NCKAP5L: variants seen among roughly 807,000 people sequenced by gnomAD.
NCKAP5L encodes nck-associated protein 5-like.
NCKAP5L carries 54 observed loss-of-function variants against 103.2 expected under a neutral mutation model. The ratio of observed to expected loss-of-function variants is 0.52; its 90% confidence interval spans 0.42 to 0.66. The LOEUF is 0.66. Among genes scored for constraint, NCKAP5L ranks in the 30% least tolerant of loss-of-function variants. The probability of loss-of-function intolerance (pLI) is 0.00; values close to 1 mark genes in which losing one functional copy is unlikely to be tolerated. For synonymous variants in NCKAP5L, 762 were observed against 748.6 expected (o/e 1.02, Z -0.29); for missense variants, 1,733 against 1,750.6 (o/e 0.99, Z 0.18).
chr12:49,797,411 T>A lies in NCKAP5L; in HGVS notation c.466-17A>T. The A allele has an allele frequency of 6.4e-7, 1 of 1,564,898 alleles. No individual in the cohort carries two copies. The highest frequency in any genetic ancestry group is 1.2e-5 in the South Asian group (1 of 86,750). On this transcript the variant is annotated splice_polypyrimidine_tract_variant and intron_variant, in intron 7 of 12. Coordinates refer to ENST00000335999, the MANE Select transcript of NCKAP5L (RefSeq NM_001037806.4). This position sits in a 1 kb window ranked among gnomAD's most constrained non-coding sequence, Gnocchi z 4.5. ...CCAACATACCTTAGGGGAGAGATGA[T>A]GGCATGAGGAGGAGACCACACACAG...
In NCKAP5L at chr12:49,795,638, G is replaced by C; in HGVS notation, c.2222C>G (p.Pro741Arg). 6.2e-7 allele frequency: 1 copy of C among 1,610,742 alleles called. No homozygotes were observed. Among genetic ancestry groups the C allele is most frequent in the Non-Finnish European group, 8.5e-7 (1 of 1,178,436 alleles). The change falls in exon 8 of 13, where the codon CCT becomes CGT. Residue 741 changes from proline (P) to arginine (R), a missense_variant. Transcript: ENST00000335999. ...GGCCCCGGGATCCCCCATAAGTCCA[G>C]GTTCCTGCTGCTTCAGGCTGTTTGT... ...LGTNSLKQQE[P>R]GLMGDPGARV...
At chr12:49,821,215 G>A (rs1471577789) in intron 1 of NCKAP5L, among the ~76,000 whole-genome samples, 1 of 152,194 alleles carries the variant, frequency 6.6e-6, no homozygotes, top group African/African-American at 2.4e-5. Flanking sequence ...GACAGGAAGT[G>A]AGGTGCTGTC....
chr12:49,815,528 C>A (rs562239976), intron 1 of NCKAP5L, among the ~76,000 whole-genome samples: 19 of 152,266 alleles, frequency 1.2e-4, no homozygotes, highest in African/African-American at 4.3e-4. Context: ...GCTTCCTTTT[C>A]TTTTTAAGAC....
At chr12:49,813,881 AC>A (rs762845410) in intron 1 of NCKAP5L, among the ~76,000 whole-genome samples, 2 of 152,012 alleles carry the variant, frequency 1.3e-5, no homozygotes, top group Non-Finnish European at 1.5e-5. Flanking sequence ...GCCGGAGTGC[AC>A]TGCCACAGTC....
chr12:49,793,552 G>C, intron 9 of NCKAP5L, 119 bp from the exon 10 acceptor site: 5 of 1,263,322 alleles, frequency 4.0e-6, no homozygotes, highest in Non-Finnish European at 5.5e-6. Flanking sequence ...TAGGGCCCAG[G>C]AGTATGGATC....
intron 6 of NCKAP5L, among the ~76,000 whole-genome samples, chr12:49,799,544 T>C (rs574139067): frequency 6.6e-6 from 1 of 152,252 alleles, no homozygotes; most frequent in South Asian, 2.1e-4. Context: ...CTTGAACTCC[T>C]GGGCCCAAGT....
Position 49,795,686 on chromosome 12 carries a change from A to G in NCKAP5L, c.2174T>C (p.Ile725Thr). ...PLEQLEAKGG[I>T]RGAVALGTNS... ...TGTGCCCAAGGCCACTGCCCCCCGTATCCCCCCCTTGGCTTCTAGCTGCTC... is the reference window on the plus strand; with the variant it reads ...TGTGCCCAAGGCCACTGCCCCCCGTGTCCCCCCCTTGGCTTCTAGCTGCTC... Residue 725 changes from isoleucine to threonine, a missense_variant, in exon 8 of 13, where the codon ATA becomes ACA. Ile to Thr is a moderately conservative substitution (Grantham distance 89). Transcript: ENST00000335999. 2 of 1,611,934 alleles carry G rather than the reference A, an allele frequency of 1.2e-6. No individual in the cohort carries two copies. The highest frequency in any genetic ancestry group is 1.7e-6 in the Non-Finnish European group (2 of 1,179,212).
chr12:49,826,570 C>A lies in NCKAP5L; in HGVS notation c.-99+1752G>T, dbSNP rs560230145. The stretch of plus-strand genomic sequence containing the variant: ...TAAATGGAACCATTCTGCCAGAGGA[C>A]CTTTCTCCCCTATAGATTCACCCAT... On this transcript the variant is annotated intron_variant, in intron 1 of 12. Transcript: ENST00000335999. Among the ~76,000 whole-genome samples, 31 of 152,308 alleles carry A rather than the reference C, an allele frequency of 2.0e-4. No homozygotes were observed. The East Asian group carries it at 5.4e-3, about 27-fold the overall frequency.
Position 49,797,687 on chromosome 12 carries a change from C to G in NCKAP5L, c.466-293G>C, listed in dbSNP as rs1247278581. Reference sequence around the variant, plus strand: ...TACTCCCCACAGCCATTTGGATTAGCAGGGCTGACCACCTAAAACTCTGAC... The same window carrying G: ...TACTCCCCACAGCCATTTGGATTAGGAGGGCTGACCACCTAAAACTCTGAC... On this transcript the variant is annotated intron_variant, in intron 7 of 12. Transcript: ENST00000335999. This position sits in a 1 kb window ranked among gnomAD's most constrained non-coding sequence, Gnocchi z 4.5. 6.6e-6 allele frequency among the ~76,000 whole-genome samples: 1 copy of G among 152,198 alleles called. No individual in the cohort carries two copies. The highest frequency in any genetic ancestry group is 1.5e-5 in the Non-Finnish European group (1 of 68,038).
chr12:49,819,032 A>G (rs1342422588), intron 1 of NCKAP5L, among the ~76,000 whole-genome samples: 10 of 106,226 alleles, frequency 9.4e-5, no homozygotes, highest in Admixed American at 1.7e-4. Flanking sequence ...CCTTGTATTT[A>G]AAAAAAAAAA....
Position 49,793,707 on chromosome 12 carries a change from CACCCAGTCCCT to C in NCKAP5L, c.3258+16_3258+26del, listed in dbSNP as rs763849842. On this transcript the variant is annotated intron_variant, in intron 9 of 12. Coordinates refer to ENST00000335999, the MANE Select transcript of NCKAP5L (RefSeq NM_001037806.4). The stretch of plus-strand genomic sequence containing the variant: ...GGCAGGGCCAGAGAGCCAGGCCGTC[CACCCAGTCCCT>C]ACCCCAAGAACTTACCTTTCCAGGA... 3.9e-6 allele frequency: 6 copies of C among 1,520,350 alleles called. No individual in the cohort carries two copies. In the South Asian group the frequency reaches 7.9e-5, roughly 20 times the overall value. The allele number at this position is 1,520,350 out of a possible 1,614,324, so 94.2% of individuals were successfully genotyped here.
rs531363333 is a variant in NCKAP5L, at chr12:49,814,259, C to T, written c.-98-8218G>A. Among the ~76,000 whole-genome samples, 6 of 149,874 alleles carry T rather than the reference C, an allele frequency of 4.0e-5. No individual in the cohort carries two copies. In the South Asian group the frequency reaches 1.3e-3, roughly 31 times the overall value. On this transcript the variant is annotated intron_variant, in intron 1 of 12. Coordinates refer to ENST00000335999, the MANE Select transcript of NCKAP5L (RefSeq NM_001037806.4). Reference sequence around the variant, plus strand: ...CAGCGCTTTGGGAGGCCGAAGTGGGCGGATCACGAGGTCAGAAGTTCGAGA... The same window carrying T: ...CAGCGCTTTGGGAGGCCGAAGTGGGTGGATCACGAGGTCAGAAGTTCGAGA...
Position 49,792,061 on chromosome 12 carries a change from G to T in NCKAP5L, c.3793-10C>A, listed in dbSNP as rs1476239471. On this transcript the variant is annotated splice_polypyrimidine_tract_variant and intron_variant, in intron 12 of 12. Coordinates refer to ENST00000335999, the MANE Select transcript of NCKAP5L (RefSeq NM_001037806.4). This position sits in a 1 kb window ranked among gnomAD's most constrained non-coding sequence, Gnocchi z 4.5. ...GGTCCACGGGCAGGGCCTGGGAAAG[G>T]AGGGGCAGCTCGGGAGGAAGCTCCT... The T allele has an allele frequency of 6.6e-7, 1 of 1,525,140 alleles. No homozygotes were observed. The highest frequency in any genetic ancestry group is 2.1e-5 in the Admixed American group (1 of 48,318). The allele number at this position is 1,525,140 out of a possible 1,614,324, so 94.5% of individuals were successfully genotyped here.
intron 5 of NCKAP5L, 112 bp from the exon 6 acceptor site, chr12:49,802,079 G>T: frequency 7.6e-7 from 1 of 1,318,374 alleles, no homozygotes. Flanking sequence ...GACCCTTCTG[G>T]GCACACACTT....
intron 1 of NCKAP5L, among the ~76,000 whole-genome samples, chr12:49,808,982 G>A (rs973581517): frequency 6.6e-6 from 1 of 152,162 alleles, no homozygotes; most frequent in African/African-American, 2.4e-5. Context: ...AGTGCAGGGG[G>A]AGGGAGAGAA....
rs1181601108 is a variant in NCKAP5L, at chr12:49,792,820, G to A, written c.3507C>T (p.Val1169=). The A allele has an allele frequency of 6.3e-7, 1 of 1,581,586 alleles. No homozygotes were observed. Among genetic ancestry groups the A allele is most frequent in the Non-Finnish European group, 8.6e-7 (1 of 1,165,862 alleles). Residue 1169 remains valine (V), a synonymous_variant, in exon 11 of 13, where the codon GTC becomes GTT. Coordinates refer to ENST00000335999, the MANE Select transcript of NCKAP5L (RefSeq NM_001037806.4). This position sits in a 1 kb window ranked among gnomAD's most constrained non-coding sequence, Gnocchi z 4.5. The part of the protein sequence containing the change: ...PPARPPPLTK[V]PRRAHTLERE... ...GCTCCAGTGTGTGGGCGCGGCGGGG[G>A]ACTTTGGTAAGGGGTGGGGGCCGAG...
At position 49,795,995 on chromosome 12, in the gene NCKAP5L, C is replaced by T. The variant is rs1592748266; in HGVS notation, c.1865G>A (p.Ser622Asn). 1 of 1,539,386 alleles carries T rather than the reference C, an allele frequency of 6.5e-7. No homozygotes were observed. Among genetic ancestry groups the T allele is most frequent in the Non-Finnish European group, 8.7e-7 (1 of 1,149,498 alleles). Residue 622 changes from serine (S) to asparagine (N), a missense_variant, in exon 8 of 13, where the codon AGT becomes AAT. Physicochemically the swap from Ser to Asn is conservative, Grantham distance 46. Coordinates refer to ENST00000335999, the MANE Select transcript of NCKAP5L (RefSeq NM_001037806.4). Reference protein sequence around the residue: ...SYPYGSPQEKSLDKAGSESPH... With the variant: ...SYPYGSPQEKNLDKAGSESPH... ...AGACTCCGAGCCTGCCTTGTCCAAA[C>T]TCTTCTCTTGGGGGCTCCCATAGGG... is the stretch of plus-strand genomic sequence containing the variant.
intron 1 of NCKAP5L, among the ~76,000 whole-genome samples, chr12:49,811,096 T>C (rs370982405): frequency 1.3e-5 from 2 of 152,234 alleles, no homozygotes; most frequent in South Asian, 4.1e-4. Flanking sequence ...GATAGCCACA[T>C]GCGAGCTCAA....
In NCKAP5L at chr12:49,797,402, G is replaced by T. The variant is rs1946070445; in HGVS notation, c.466-8C>A. The T allele has an allele frequency of 1.3e-6, 2 of 1,585,322 alleles. No homozygotes were observed. Among genetic ancestry groups the T allele is most frequent in the Non-Finnish European group, 1.7e-6 (2 of 1,163,940 alleles). On this transcript the variant is annotated splice_polypyrimidine_tract_variant and splice_region_variant and intron_variant, in intron 7 of 12. Coordinates refer to ENST00000335999, the MANE Select transcript of NCKAP5L (RefSeq NM_001037806.4). This position sits in a 1 kb window ranked among gnomAD's most constrained non-coding sequence, Gnocchi z 4.5. ...CTGCTGCTCCCAACATACCTTAGGG[G>T]AGAGATGATGGCATGAGGAGGAGAC...
Sources: gnomAD v4.1 joint callset for allele counts (sites outside exome capture counted in the v4.1 genomes callset) on GRCh38, gnomAD v4.1.1 for gene constraint, Gnocchi (gnomAD v3.1) non-coding constraint, MANE v1.5 for transcripts, NCBI Gene and HGNC (gene_info 2026-07-23, HGNC 2026-07-21) for gene names.